NRXN3: variants seen among roughly 807,000 people sequenced by gnomAD.
The protein encoded by NRXN3 is neurexin III.
In NRXN3, 32 loss-of-function variants were observed where a neutral mutation model predicts 137.6. That is an observed-to-expected ratio of 0.23 (90% confidence interval 0.18 to 0.31). The LOEUF (loss-of-function observed/expected upper bound fraction) is 0.31, where lower values mean the gene tolerates loss of function less well. NRXN3 is among the 10% of genes least tolerant of loss of function. The pLI is 1.00. For missense variants in NRXN3, 1,574 were observed against 2,062.5 expected (o/e 0.76, Z 4.59); for synonymous variants, 798 against 784.5 (o/e 1.02, Z -0.29).
chr14:79,760,440 C>T (rs2099034522), intron 19 of NRXN3, among the ~76,000 whole-genome samples: 2 of 145,620 alleles, frequency 1.4e-5, no homozygotes, highest in Non-Finnish European at 3.0e-5. Flanking sequence ...TTTTTTTAAG[C>T]CTCTGTGAGA....
intron 15 of NRXN3, among the ~76,000 whole-genome samples, chr14:79,395,560 G>T (rs906423405): frequency 2.0e-5 from 3 of 151,640 alleles, no homozygotes; most frequent in African/African-American, 7.3e-5. Flanking sequence ...TGTAATCCCA[G>T]CACTTTGGGA....
intron 10 of NRXN3, among the ~76,000 whole-genome samples, chr14:78,908,529 A>G (rs1383643166): frequency 6.6e-6 from 1 of 152,076 alleles, no homozygotes; most frequent in East Asian, 1.9e-4. Flanking sequence ...TTCTTTCAGA[A>G]TTATAATTTT....
intron 15 of NRXN3, among the ~76,000 whole-genome samples, chr14:79,342,195 ACT>A (rs1421679024): frequency 6.6e-6 from 1 of 151,926 alleles, no homozygotes; most frequent in Admixed American, 6.6e-5. Context: ...AGTTGATGAG[ACT>A]CTTGTTTATT....
chr14:78,616,480 AC>A (rs1247991185), intron 4 of NRXN3, among the ~76,000 whole-genome samples: 2 of 151,704 alleles, frequency 1.3e-5, no homozygotes, highest in Admixed American at 6.6e-5. Context: ...CTCTTATTCC[AC>A]CCTGATCTTG....
chr14:79,692,060 A>G (rs1249004133), intron 17 of NRXN3, 113 bp from the exon 18 acceptor site: 77 of 717,182 alleles, frequency 1.1e-4, no homozygotes, highest in Non-Finnish European at 4.5e-6. Context: ...ACTAAAGATA[A>G]ATTGATATCT....
At chr14:78,904,795 TCTC>T (rs900532240) in intron 10 of NRXN3, among the ~76,000 whole-genome samples, 2 of 151,980 alleles carry the variant, frequency 1.3e-5, no homozygotes, top group African/African-American at 2.4e-5. Context: ...TTTCCATAGT[TCTC>T]CTGACTTCCT....
intron 9 of NRXN3, among the ~76,000 whole-genome samples, chr14:78,808,307 C>T (rs1316375047): frequency 6.6e-6 from 1 of 152,182 alleles, no homozygotes; most frequent in African/African-American, 2.4e-5. Context: ...CAAGCCACCA[C>T]CTCTCACTAG....
chr14:78,302,421 A>ACAATAAGACTC (rs2076963361), intron 4 of NRXN3, among the ~76,000 whole-genome samples: 1 of 152,164 alleles, frequency 6.6e-6, no homozygotes, highest in Non-Finnish European at 1.5e-5. Flanking sequence ...ACGGATAAGA[A>ACAATAAGACTC]CAATAAGACT....
At chr14:78,372,429 A>G (rs2087023752) in intron 4 of NRXN3, among the ~76,000 whole-genome samples, 2 of 151,802 alleles carry the variant, frequency 1.3e-5, no homozygotes, top group African/African-American at 4.8e-5. Flanking sequence ...GGTTCAAGCA[A>G]TTCTCCTGCC....
At chr14:78,300,682 A>G (rs1397214249) in intron 4 of NRXN3, 4 of 1,530,252 alleles carry the variant, frequency 2.6e-6, no homozygotes, top group Non-Finnish European at 3.5e-6. Flanking sequence ...TTCTGTAGGT[A>G]GAAGTAAAGG....
At chr14:78,269,932 A>G (rs946393869) in intron 2 of NRXN3, among the ~76,000 whole-genome samples, 1 of 152,194 alleles carries the variant, frequency 6.6e-6, no homozygotes, top group East Asian at 1.9e-4. Context: ...GGGGTCAAGT[A>G]ATGCAATAAT....
chr14:78,247,563 G>A (rs1282043023), intron 2 of NRXN3, among the ~76,000 whole-genome samples: 3 of 152,156 alleles, frequency 2.0e-5, no homozygotes, highest in African/African-American at 7.2e-5. Context: ...ACTTGTTCAT[G>A]TTGACATTTA....
At chr14:78,550,442 A>G (rs1352742320) in intron 4 of NRXN3, among the ~76,000 whole-genome samples, 3 of 151,932 alleles carry the variant, frequency 2.0e-5, no homozygotes, top group African/African-American at 7.3e-5. Flanking sequence ...AAAAGTGACT[A>G]CCTCCTAAAA....
intron 10 of NRXN3, among the ~76,000 whole-genome samples, chr14:78,829,385 A>G (rs1017414197): frequency 1.3e-5 from 2 of 152,198 alleles, no homozygotes; most frequent in Admixed American, 6.5e-5. Flanking sequence ...TGTTTGAACC[A>G]TATTTGAAGA....
intron 2 of NRXN3, among the ~76,000 whole-genome samples, chr14:78,277,069 G>T (rs2073705984): frequency 6.6e-6 from 1 of 152,190 alleles, no homozygotes; most frequent in South Asian, 2.1e-4. Context: ...TCTTTGGGCA[G>T]ATACAGCTTC....
intron 10 of NRXN3, among the ~76,000 whole-genome samples, chr14:78,927,933 A>T (rs899862996): frequency 4.6e-5 from 7 of 152,098 alleles, no homozygotes; most frequent in Non-Finnish European, 8.8e-5. Flanking sequence ...TATCTGAGGG[A>T]GTCCTCTGCC....
chr14:79,333,407 A>G (rs138393696), intron 15 of NRXN3, among the ~76,000 whole-genome samples: 1,725 of 152,258 alleles, frequency 0.011, 34 homozygotes, highest in African/African-American at 0.039. Context: ...GCAGAAGTGG[A>G]GCTGAATGGT....
intron 16 of NRXN3, among the ~76,000 whole-genome samples, chr14:79,662,114 C>A (rs374068184): frequency 6.6e-6 from 1 of 152,086 alleles, no homozygotes; most frequent in African/African-American, 2.4e-5. Flanking sequence ...TTCCAGGCCC[C>A]CACAGCCATG....
chr14:78,383,285 C>T (rs990516207), intron 4 of NRXN3, among the ~76,000 whole-genome samples: 2 of 152,124 alleles, frequency 1.3e-5, no homozygotes, highest in African/African-American at 4.8e-5. Flanking sequence ...TCTGGCCATG[C>T]TCATTTCGTT....
Sources: allele counts gnomAD v4.1 joint callset (sites outside exome capture counted in the v4.1 genomes callset), GRCh38; gene constraint gnomAD v4.1.1; transcripts MANE v1.5; gene names NCBI Gene and HGNC (gene_info 2026-07-23, HGNC 2026-07-21).